NCOA3: variants seen among roughly 807,000 people sequenced by gnomAD.
NCOA3 encodes the protein nuclear receptor coactivator 3, also known as CBP-interacting protein.
Under a neutral mutation model 158.8 loss-of-function variants are expected in NCOA3, and 51 were observed. The observed-to-expected ratio is 0.32, with a 90% CI of 0.26 to 0.41. The LOEUF is 0.41. Ranked by LOEUF, NCOA3 falls within the 10% of genes least tolerant of loss-of-function variation. NCOA3 has a pLI of 1.00. For missense variants in NCOA3, 1,510 were observed against 1,746.6 expected, an observed-to-expected ratio of 0.86 and a Z score of 2.41; for synonymous variants, 537 against 592.4, an observed-to-expected ratio of 0.91 and a Z score of 1.36.
chr20:47,557,025 T>C (rs2085018111), intron 1 of NCOA3, among the ~76,000 whole-genome samples: 1 of 152,126 alleles, frequency 6.6e-6, no homozygotes, highest in Admixed American at 6.6e-5. Context: ...CAAATATGAA[T>C]CTGTGGATAG....
chr20:47,616,056 G>A (rs1359555645), intron 2 of NCOA3, among the ~76,000 whole-genome samples: 2 of 151,896 alleles, frequency 1.3e-5, no homozygotes, highest in East Asian at 2.0e-4. Context: ...TACTCAGGAG[G>A]CTGAGGCAGG....
At chr20:47,552,785 G>A (rs2084943479) in intron 1 of NCOA3, among the ~76,000 whole-genome samples, 1 of 152,088 alleles carries the variant, frequency 6.6e-6, no homozygotes, top group Admixed American at 6.6e-5. Flanking sequence ...ATTTCATCTG[G>A]GTCTTGTTCT....
In NCOA3 at chr20:47,625,498, T is replaced by G; in HGVS notation, c.357+17T>G. The G allele has an allele frequency of 6.6e-7, 1 of 1,523,648 alleles. No individual in the cohort carries two copies. Among genetic ancestry groups the G allele is most frequent in the Non-Finnish European group, 9.1e-7 (1 of 1,097,716 alleles). The allele number at this position is 1,523,648 out of a possible 1,614,324, so 94.4% of individuals were successfully genotyped here. On this transcript the variant is annotated intron_variant, in intron 5 of 22. Transcript: ENST00000371998. ...TTACTTCAGGCAAGTATAAAGATTT[T>G]AACTGTCCAGTAGGCTGTATTGCCC...
In NCOA3 at chr20:47,637,712, A is replaced by G. The variant is rs775083614; in HGVS notation, c.2441A>G (p.Asn814Ser). 8 of 1,612,296 alleles carry G rather than the reference A, an allele frequency of 5.0e-6. No individual in the cohort carries two copies. Among genetic ancestry groups the G allele is most frequent in the East Asian group, 2.2e-5 (1 of 44,746 alleles). ...GATCTGACTAGTTCTGACTTTTACA[A>G]TAATTCCATATCCTCAAATGGTAGT... is the stretch of plus-strand genomic sequence containing the variant. Reference protein sequence around the residue: ...LGDLTSSDFYNNSISSNGSHL... With the variant: ...LGDLTSSDFYSNSISSNGSHL... The change falls in exon 13 of 23, where the codon AAT becomes AGT. Residue 814 changes from asparagine (N) to serine (S), a missense_variant. By Grantham distance (46) the Asn-to-Ser change is conservative (BLOSUM62 1). Around this residue, in one of 4 missense-constraint regions of NCOA3, gnomAD observed 1,017 missense variants for 1,098.3 expected, o/e 0.93. Coordinates refer to ENST00000371998, the MANE Select transcript of NCOA3 (RefSeq NM_181659.3).
At chr20:47,537,349 G>T (rs889846986) in intron 1 of NCOA3, among the ~76,000 whole-genome samples, 2 of 140,988 alleles carry the variant, frequency 1.4e-5, no homozygotes, top group Non-Finnish European at 3.0e-5. Flanking sequence ...TTTGCCTGTG[G>T]TCATCACTTC....
chr20:47,652,957 AC>A lies in NCOA3; in HGVS notation c.4150del (p.Gln1384ArgfsTer12). ...NSSFSQQQFA[H>X]QGNPAVYSMV... is the part of the protein sequence containing the mutation. ...TCCTTTTCCCAGCAGCAGTTTGCCC[AC>A]CAGGGGAATCCTGCAGTGTATAGTA... On this transcript the variant is annotated frameshift_variant, in exon 22 of 23. Coordinates refer to ENST00000371998, the MANE Select transcript of NCOA3 (RefSeq NM_181659.3). LOFTEE classifies it high-confidence loss of function. The A allele has an allele frequency of 1.9e-6, 3 of 1,614,234 alleles. No individual in the cohort carries two copies. The highest frequency in any genetic ancestry group is 2.5e-6 in the Non-Finnish European group (3 of 1,180,034).
chr20:47,559,809 C>T (rs938454315), intron 1 of NCOA3, among the ~76,000 whole-genome samples: 3 of 152,074 alleles, frequency 2.0e-5, no homozygotes, highest in African/African-American at 7.2e-5. Flanking sequence ...CCCTACCACA[C>T]CTGGCTAATT....
At chr20:47,518,659 A>C (rs2084274473) in intron 1 of NCOA3, among the ~76,000 whole-genome samples, 3 of 151,908 alleles carry the variant, frequency 2.0e-5, no homozygotes, top group African/African-American at 7.2e-5. Flanking sequence ...TCCTGACCTC[A>C]GGTGATCTAC....
chr20:47,531,532 G>T (rs1297399938), intron 1 of NCOA3, among the ~76,000 whole-genome samples: 1 of 152,190 alleles, frequency 6.6e-6, no homozygotes, highest in Non-Finnish European at 1.5e-5. Flanking sequence ...TATTAATGCA[G>T]AAGTATATCT....
At chr20:47,556,300 A>G (rs1448957168) in intron 1 of NCOA3, among the ~76,000 whole-genome samples, 7 of 152,208 alleles carry the variant, frequency 4.6e-5, no homozygotes, top group Non-Finnish European at 1.5e-5. Context: ...GAAGGGGAAG[A>G]GTTTTTATGA....
intron 4 of NCOA3, among the ~76,000 whole-genome samples, chr20:47,624,945 G>A (rs2086298379): frequency 6.6e-6 from 1 of 151,896 alleles, no homozygotes; most frequent in African/African-American, 2.4e-5. Flanking sequence ...GCTAAGTTTT[G>A]TATTTTTAGT....
chr20:47,639,717 CCCAGA>C lies in NCOA3; in HGVS notation c.2851_2855del (p.Arg951CysfsTer14). On this transcript the variant is annotated frameshift_variant, in exon 15 of 23. Coordinates refer to ENST00000371998, the MANE Select transcript of NCOA3 (RefSeq NM_181659.3). LOFTEE classifies it high-confidence loss of function. ...AGGAGGAGATTATAATACTTCTTTACCCAGACCTGCACTGGGTGGCTCTATTCCCA... is the reference window on the plus strand; with the variant it reads ...AGGAGGAGATTATAATACTTCTTTACCCTGCACTGGGTGGCTCTATTCCCA... 1 of 1,614,126 alleles carries C rather than the reference CCCAGA, an allele frequency of 6.2e-7. No individual in the cohort carries two copies. The highest frequency in any genetic ancestry group is 8.5e-7 in the Non-Finnish European group (1 of 1,180,040).
intron 17 of NCOA3, among the ~76,000 whole-genome samples, chr20:47,644,656 G>T (rs1339046646): frequency 1.3e-5 from 2 of 152,048 alleles, no homozygotes; most frequent in African/African-American, 4.8e-5. Context: ...GTAATTAAGT[G>T]GGGAACTAGC....
chr20:47,516,296 T>G (rs528769666), intron 1 of NCOA3, among the ~76,000 whole-genome samples: 2 of 152,280 alleles, frequency 1.3e-5, no homozygotes, highest in East Asian at 3.9e-4. Context: ...ATGGCAAATC[T>G]CTGTATCTTC....
rs200999903 is a variant in NCOA3 at position 47,635,633 on chromosome 20, C to G, written c.1424C>G (p.Pro475Arg). The G allele has an allele frequency of 1.0e-4, 163 of 1,614,036 alleles. No homozygotes were observed. The highest frequency in any genetic ancestry group is 1.3e-4 in the Non-Finnish European group (152 of 1,180,028). ...SPPHGSPGLAPNQQNIMISPR... is the reference protein window; with the variant it reads ...SPPHGSPGLARNQQNIMISPR... ...CCACATGGGAGTCCTGGTCTTGCCC[C>G]AAACCAGCAGAATATCATGATTTCT... The change falls in exon 11 of 23, where the codon CCA becomes CGA. Residue 475 changes from proline (P) to arginine (R), a missense_variant. Coordinates refer to ENST00000371998, the MANE Select transcript of NCOA3 (RefSeq NM_181659.3).
intron 1 of NCOA3, among the ~76,000 whole-genome samples, chr20:47,521,223 G>T (rs753088117): frequency 2.6e-5 from 4 of 152,336 alleles, no homozygotes; most frequent in Non-Finnish European, 5.9e-5. Context: ...AGGGGGCGGG[G>T]TGCACCTCCT....
At chr20:47,503,484 CTG>C (rs1454277578) in intron 1 of NCOA3, among the ~76,000 whole-genome samples, 2 of 152,132 alleles carry the variant, frequency 1.3e-5, no homozygotes, top group Non-Finnish European at 2.9e-5. Context: ...GAGGCAAAGA[CTG>C]TTACTGGTTT....
At chr20:47,578,378 G>A (rs993612633) in intron 1 of NCOA3, among the ~76,000 whole-genome samples, 17 of 152,046 alleles carry the variant, frequency 1.1e-4, no homozygotes, top group Admixed American at 9.8e-4. Context: ...TAGAGATGGG[G>A]TTTAGCCATG....
chr20:47,591,555 C>T (rs1326489252), intron 2 of NCOA3, among the ~76,000 whole-genome samples: 2 of 152,178 alleles, frequency 1.3e-5, no homozygotes, highest in African/African-American at 4.8e-5. Context: ...GCCCCTTTCT[C>T]TTTGGCCTGA....
Sources: allele counts gnomAD v4.1 joint callset (sites outside exome capture counted in the v4.1 genomes callset), GRCh38; gene constraint gnomAD v4.1.1; regional missense constraint gnomAD v4.1.1; transcripts MANE v1.5; gene names NCBI Gene and HGNC (gene_info 2026-07-23, HGNC 2026-07-21).